Variants in DTNB observed in about 807,000 individuals in gnomAD.
DTNB encodes the protein DTN-B.
A neutral mutation model predicts 90.7 loss-of-function variants in DTNB; 63 were observed. That is an observed-to-expected ratio of 0.69 (90% CI 0.57 to 0.86). The LOEUF (loss-of-function observed/expected upper bound fraction) is 0.86, where lower values mean the gene tolerates loss of function less well. DTNB is among the 40% of genes least tolerant of loss of function. The pLI is 0.00. For missense variants in DTNB, 744 were observed against 807.1 expected (o/e 0.92, Z 0.95); for synonymous variants, 277 against 286.7 (o/e 0.97, Z 0.34).
chr2:25,532,101 C>A (rs973890840), intron 8 of DTNB, among the ~76,000 whole-genome samples: 1 of 152,028 alleles, frequency 6.6e-6, no homozygotes, highest in African/African-American at 2.4e-5. Flanking sequence ...ACAAAATTAA[C>A]CAGGCATGGT....
intron 18 of DTNB, chr2:25,386,015 C>T (rs144699879): frequency 2.0e-6 from 2 of 985,378 alleles, no homozygotes; most frequent in African/African-American, 3.5e-5. Context: ...AGGGAAAGCG[C>T]CTTCTAATCA....
intron 16 of DTNB, among the ~76,000 whole-genome samples, chr2:25,391,525 A>C (rs1375400417): frequency 1.3e-5 from 2 of 152,236 alleles, no homozygotes; most frequent in African/African-American, 4.8e-5. Flanking sequence ...GGGAAATGCA[A>C]ATCAAAACTA....
intron 4 of DTNB, among the ~76,000 whole-genome samples, chr2:25,621,367 T>C (rs1318252226): frequency 6.6e-6 from 1 of 152,196 alleles, no homozygotes; most frequent in Non-Finnish European, 1.5e-5. Flanking sequence ...TTGTTTTGTA[T>C]TGTTTTGTTT....
At chr2:25,568,477 T>A (rs530725972) in intron 8 of DTNB, among the ~76,000 whole-genome samples, 198 of 150,732 alleles carry the variant, frequency 1.3e-3, no homozygotes, top group African/African-American at 4.3e-3. Flanking sequence ...AATAGTGATT[T>A]AAAAAAAAAC....
intron 8 of DTNB, among the ~76,000 whole-genome samples, chr2:25,570,381 T>C (rs2059657890): frequency 8.4e-6 from 1 of 119,714 alleles, no homozygotes; most frequent in South Asian, 2.4e-4. Flanking sequence ...GCACTCCAGA[T>C]GGACAATAGA....
chr2:25,381,468 C>T (rs1481607359), intron 19 of DTNB, among the ~76,000 whole-genome samples: 2 of 152,162 alleles, frequency 1.3e-5, no homozygotes, highest in Non-Finnish European at 2.9e-5. Context: ...CAGCCTTAAA[C>T]TCCTGGGCTC....
At chr2:25,407,304 T>C (rs962263736) in intron 16 of DTNB, among the ~76,000 whole-genome samples, 4 of 152,202 alleles carry the variant, frequency 2.6e-5, no homozygotes, top group African/African-American at 7.2e-5. Context: ...GAAAAGGGAA[T>C]GCTTATACAC....
chr2:25,383,007 T>C (rs940256484), intron 19 of DTNB, among the ~76,000 whole-genome samples: 6 of 152,218 alleles, frequency 3.9e-5, no homozygotes, highest in African/African-American at 9.6e-5. Flanking sequence ...GTTCGATATA[T>C]AATGAAACTA....
At chr2:25,602,847 T>G (rs1386306288) in intron 5 of DTNB, among the ~76,000 whole-genome samples, 1 of 152,214 alleles carries the variant, frequency 6.6e-6, no homozygotes, top group Non-Finnish European at 1.5e-5. Context: ...TGCATTTTGA[T>G]CTAAAACCTA....
intron 1 of DTNB, among the ~76,000 whole-genome samples, chr2:25,666,744 T>C (rs576776823): frequency 7.9e-5 from 12 of 152,294 alleles, no homozygotes; most frequent in African/African-American, 2.9e-4. Flanking sequence ...ACTGAAGCTC[T>C]AGGCTTGCTG....
intron 1 of DTNB, among the ~76,000 whole-genome samples, chr2:25,670,420 T>C (rs1395069028): frequency 6.6e-6 from 1 of 151,820 alleles, no homozygotes; most frequent in African/African-American, 2.4e-5. Context: ...TACATGAAAA[T>C]ACATAGAGAA....
intron 1 of DTNB, among the ~76,000 whole-genome samples, chr2:25,655,967 G>C (rs996642794): frequency 3.3e-5 from 5 of 151,864 alleles, no homozygotes; most frequent in Non-Finnish European, 7.4e-5. Flanking sequence ...TTTTACATTC[G>C]CTCCTGGAGT....
chr2:25,534,596 G>A (rs1460709673), intron 8 of DTNB, among the ~76,000 whole-genome samples: 2 of 151,192 alleles, frequency 1.3e-5, no homozygotes, highest in African/African-American at 4.9e-5. Context: ...GGGCGGCTGG[G>A]CAGAGGCACT....
At chr2:25,483,382 C>A (rs1048454016) in intron 9 of DTNB, among the ~76,000 whole-genome samples, 5 of 152,162 alleles carry the variant, frequency 3.3e-5, no homozygotes, top group African/African-American at 1.2e-4. Context: ...TCACTGGTTT[C>A]CCTCAGACTT....
chr2:25,472,464 G>A (rs577586513), intron 10 of DTNB, among the ~76,000 whole-genome samples: 2 of 152,294 alleles, frequency 1.3e-5, no homozygotes, highest in South Asian at 2.1e-4. Flanking sequence ...AGGGCTGGAA[G>A]GGCTGGCAAG....
intron 9 of DTNB, among the ~76,000 whole-genome samples, chr2:25,503,469 A>G (rs929087489): frequency 6.6e-6 from 1 of 152,144 alleles, no homozygotes; most frequent in African/African-American, 2.4e-5. Context: ...CTCCAGCCAA[A>G]GTGACAGAGC....
intron 12 of DTNB, among the ~76,000 whole-genome samples, chr2:25,443,752 T>G (rs2057945086): frequency 6.6e-6 from 1 of 152,166 alleles, no homozygotes; most frequent in Admixed American, 6.5e-5. Context: ...CCAATAAAAA[T>G]GGATGGGCCC....
intron 3 of DTNB, among the ~76,000 whole-genome samples, chr2:25,638,529 T>A (rs1450856015): frequency 6.6e-6 from 1 of 152,206 alleles, no homozygotes; most frequent in Non-Finnish European, 1.5e-5. Flanking sequence ...AGATTAAGTA[T>A]ATACACACAC....
intron 9 of DTNB, among the ~76,000 whole-genome samples, chr2:25,511,096 T>A (rs1327782917): frequency 6.6e-6 from 1 of 152,186 alleles, no homozygotes; most frequent in Non-Finnish European, 1.5e-5. Context: ...ACTTGGTAAA[T>A]GTGAGAGGGA....
Sources: allele counts gnomAD v4.1 joint callset (sites outside exome capture counted in the v4.1 genomes callset), GRCh38; gene constraint gnomAD v4.1.1; transcripts MANE v1.5; gene names NCBI Gene and HGNC (gene_info 2026-07-23, HGNC 2026-07-21).